SLC25A13: variants seen among roughly 807,000 people sequenced by gnomAD.
SLC25A13 encodes solute carrier family 25 member 13.
A neutral mutation model predicts 85.5 loss-of-function variants in SLC25A13; 70 were observed. That is an observed-to-expected ratio of 0.82 (90% confidence interval 0.68 to 1.00). The LOEUF (loss-of-function observed/expected upper bound fraction) is 1.00, where lower values mean the gene tolerates loss of function less well. Ranked by LOEUF, SLC25A13 falls within the 50% of genes least tolerant of loss-of-function variation. The probability of loss-of-function intolerance (pLI) is 0.00; values close to 1 mark genes in which losing one functional copy is unlikely to be tolerated. For missense variants in SLC25A13, 765 were observed against 819.8 expected (o/e 0.93, Z 0.82); for synonymous variants, 259 against 288.7 (o/e 0.90, Z 1.04).
chr7:96,121,061 T>C lies in SLC25A13; in HGVS notation c.*130A>G, dbSNP rs1175882491. 5.0e-6 allele frequency: 5 copies of C among 990,330 alleles called. No individual in the cohort carries two copies. In the South Asian group the frequency reaches 5.4e-5, roughly 11 times the overall value. The allele number at this position is 990,330 out of a possible 1,614,324, so 61.3% of individuals were successfully genotyped here. ...CCAGAAAATGAATGATTTCACATGA[T>C]AAAAAAGCCTGGACTTGAATTTAAA... On this transcript the variant is annotated 3_prime_UTR_variant, in exon 18 of 18. Coordinates refer to ENST00000265631, the MANE Select transcript of SLC25A13 (RefSeq NM_014251.3).
intron 14 of SLC25A13, among the ~76,000 whole-genome samples, chr7:96,146,248 G>A (rs540181127): frequency 6.6e-6 from 1 of 152,216 alleles, no homozygotes; most frequent in African/African-American, 2.4e-5. Flanking sequence ...TGAACTCAGC[G>A]TATCAATAAC....
chr7:96,121,729 G>A lies in SLC25A13; in HGVS notation c.1767C>T (p.Ser589=), dbSNP rs1483172879. The change falls in exon 17 of 18, where the codon TCC becomes TCT. Residue 589 remains serine, a synonymous_variant. Transcript: ENST00000265631. ...GCAAAGTTACACCAAACTGGGGTGA[G>A]GATCGAAATACACGAGCTTTAAAAA... ...WKGAGARVFR[S]SPQFGVTLLT... 6.2e-7 allele frequency: 1 copy of A among 1,614,024 alleles called. No homozygotes were observed.
intron 2 of SLC25A13, among the ~76,000 whole-genome samples, chr7:96,289,582 A>G (rs997923808): frequency 6.6e-6 from 1 of 152,224 alleles, no homozygotes; most frequent in Non-Finnish European, 1.5e-5. Flanking sequence ...ATGGAGCTGA[A>G]AACCATGGCA....
intron 11 of SLC25A13, among the ~76,000 whole-genome samples, chr7:96,179,465 T>C (rs1225153332): frequency 6.6e-6 from 1 of 152,224 alleles, no homozygotes; most frequent in East Asian, 1.9e-4. Context: ...TCTCTAACAA[T>C]TCTCTCACCC....
At chr7:96,214,268 T>C (rs1377404283) in intron 4 of SLC25A13, among the ~76,000 whole-genome samples, 2 of 152,270 alleles carry the variant, frequency 1.3e-5, no homozygotes, top group South Asian at 2.1e-4. Flanking sequence ...TTGAGACCTT[T>C]AAAAGTTGGG....
chr7:96,122,405 G>C (rs1293942918), intron 15 of SLC25A13, among the ~76,000 whole-genome samples: 1 of 152,176 alleles, frequency 6.6e-6, no homozygotes, highest in Non-Finnish European at 1.5e-5. Flanking sequence ...GGTGAAGCTT[G>C]TTATGCGTTT....
chr7:96,221,381 A>C (rs1420035555), intron 4 of SLC25A13, among the ~76,000 whole-genome samples: 4 of 152,222 alleles, frequency 2.6e-5, no homozygotes, highest in Admixed American at 2.6e-4. Context: ...CTCTCATAAA[A>C]TAAAATCAAA....
intron 11 of SLC25A13, among the ~76,000 whole-genome samples, chr7:96,173,119 T>TC (rs1426622324): frequency 2.0e-5 from 3 of 152,216 alleles, no homozygotes; most frequent in African/African-American, 7.2e-5. Flanking sequence ...TTTTCTTTGC[T>TC]CATAGCCTTA....
chr7:96,312,218 G>A (rs1433850291), intron 1 of SLC25A13, among the ~76,000 whole-genome samples: 1 of 152,108 alleles, frequency 6.6e-6, no homozygotes, highest in Admixed American at 6.5e-5. Context: ...GTGATCTTGG[G>A]CAAGTTATGT....
At chr7:96,195,041 T>G (rs1390193504) in intron 5 of SLC25A13, among the ~76,000 whole-genome samples, 1 of 152,172 alleles carries the variant, frequency 6.6e-6, no homozygotes, top group Non-Finnish European at 1.5e-5. Flanking sequence ...GACAGAGTGC[T>G]CTCTCTCTTA....
At chr7:96,301,027 A>C (rs1217041243) in intron 1 of SLC25A13, among the ~76,000 whole-genome samples, 2 of 152,230 alleles carry the variant, frequency 1.3e-5, no homozygotes, top group African/African-American at 2.4e-5. Flanking sequence ...GAGATGTACC[A>C]GTTTTTTAAA....
intron 14 of SLC25A13, among the ~76,000 whole-genome samples, chr7:96,140,619 G>A (rs538216017): frequency 6.6e-6 from 1 of 151,538 alleles, no homozygotes; most frequent in African/African-American, 2.4e-5. Flanking sequence ...TAGCCAGGAT[G>A]GTCTTGATCT....
chr7:96,205,314 G>A (rs367942406), intron 5 of SLC25A13, among the ~76,000 whole-genome samples: 7 of 152,102 alleles, frequency 4.6e-5, no homozygotes, highest in Non-Finnish European at 7.4e-5. Context: ...TAAAACTAGC[G>A]GCTATAAAAT....
intron 14 of SLC25A13, among the ~76,000 whole-genome samples, chr7:96,137,786 A>C (rs1242666456): frequency 6.6e-6 from 1 of 152,126 alleles, no homozygotes; most frequent in Non-Finnish European, 1.5e-5. Flanking sequence ...CACCATGCCC[A>C]GCAAATTTTT....
chr7:96,182,400 G>A (rs1794451215), intron 11 of SLC25A13, among the ~76,000 whole-genome samples: 1 of 152,198 alleles, frequency 6.6e-6, no homozygotes, highest in Non-Finnish European at 1.5e-5. Context: ...TCATCATCCT[G>A]ACAGACAGCT....
intron 4 of SLC25A13, among the ~76,000 whole-genome samples, chr7:96,210,154 T>C (rs1320237264): frequency 6.6e-6 from 1 of 152,090 alleles, no homozygotes; most frequent in African/African-American, 2.4e-5. Flanking sequence ...AGTGCCACCA[T>C]TAGCATAAGG....
intron 3 of SLC25A13, among the ~76,000 whole-genome samples, chr7:96,244,918 T>A (rs1011645486): frequency 6.6e-6 from 1 of 152,196 alleles, no homozygotes; most frequent in Non-Finnish European, 1.5e-5. Flanking sequence ...CCTATAAATA[T>A]CACCTCTGCA....
rs540568262 is a variant in SLC25A13 at position 96,243,192 on chromosome 7, C to T, written c.213-8275G>A. ...TGTTGGCCAGGCTGGCCTCAAACTC[C>T]TGACCTCAGGTGATCCACCCGCCTC... On this transcript the variant is annotated intron_variant, in intron 3 of 17. Coordinates refer to ENST00000265631, the MANE Select transcript of SLC25A13 (RefSeq NM_014251.3). Among the ~76,000 whole-genome samples the T allele has an allele frequency of 1.2e-3, 184 of 152,298 alleles. 2 individuals carry two copies. The highest frequency in any genetic ancestry group is 4.4e-3 in the African/African-American group (181 of 41,568).
intron 4 of SLC25A13, 69 bp from the exon 5 acceptor site, chr7:96,209,046 G>C: frequency 6.8e-7 from 1 of 1,472,944 alleles, no homozygotes; most frequent in Non-Finnish European, 9.4e-7. Flanking sequence ...ATCTGTTATT[G>C]AATGGATATC....
Sources: allele counts gnomAD v4.1 joint callset (sites outside exome capture counted in the v4.1 genomes callset), GRCh38; gene constraint gnomAD v4.1.1; transcripts MANE v1.5; gene names NCBI Gene and HGNC (gene_info 2026-07-23, HGNC 2026-07-21).